Variants in L3MBTL4 observed in about 807,000 individuals in gnomAD.
L3MBTL4 encodes the protein L3MBTL histone methyl-lysine binding protein 4.
Under a neutral mutation model 84.5 loss-of-function variants are expected in L3MBTL4, and 70 were observed. That is an observed-to-expected ratio of 0.83 (90% CI 0.68 to 1.01). The LOEUF is 1.01. L3MBTL4 is among the 50% of genes least tolerant of loss of function. L3MBTL4 has a pLI of 0.00. For missense variants in L3MBTL4, 715 were observed against 754.8 expected (o/e 0.95, Z 0.62); for synonymous variants, 274 against 259.8 (o/e 1.05, Z -0.52).
rs2050357812 is a variant in L3MBTL4, at chr18:6,301,941, T to C, written c.89A>G (p.Glu30Gly). The change falls in exon 4 of 19, where the codon GAA becomes GGA. Residue 30 changes from glutamate (E) to glycine (G), a missense_variant. Physicochemically the swap from Glu to Gly is moderately conservative, Grantham distance 98. Transcript: ENST00000317931. Reference protein sequence around the residue: ...QDGRLEQAEEEKKPKDSTTPL... With the variant: ...QDGRLEQAEEGKKPKDSTTPL... ...GGTTGTGCTATCCTTGGGCTTCTTT[T>C]CCTCTTCAGCTTGCTCCTAGAATAC... 6.2e-7 allele frequency: 1 copy of C among 1,613,108 alleles called. No individual in the cohort carries two copies. The highest frequency in any genetic ancestry group is 8.5e-7 in the Non-Finnish European group (1 of 1,179,014).
intron 16 of L3MBTL4, among the ~76,000 whole-genome samples, chr18:6,014,475 G>A (rs1005205000): frequency 1.4e-4 from 21 of 152,196 alleles, no homozygotes; most frequent in African/African-American, 4.8e-4. Context: ...AAAGCAAAGC[G>A]TGCCCCATCC....
At chr18:6,357,724 C>T (rs889397141) in intron 1 of L3MBTL4, among the ~76,000 whole-genome samples, 2 of 152,208 alleles carry the variant, frequency 1.3e-5, no homozygotes, top group African/African-American at 2.4e-5. Context: ...TATGCATATA[C>T]GACAGAGAAT....
intron 10 of L3MBTL4, among the ~76,000 whole-genome samples, chr18:6,225,773 A>C (rs1568343330): frequency 6.6e-6 from 1 of 151,914 alleles, no homozygotes; most frequent in Non-Finnish European, 1.5e-5. Flanking sequence ...GGAACATAGG[A>C]ACTACAGTAG....
intron 12 of L3MBTL4, among the ~76,000 whole-genome samples, chr18:6,177,937 A>G (rs2044296480): frequency 6.6e-6 from 1 of 152,070 alleles, no homozygotes; most frequent in Non-Finnish European, 1.5e-5. Flanking sequence ...CTGGGGTGCA[A>G]TTTTTTTATG....
rs895060989 is a variant in L3MBTL4 at position 6,257,714 on chromosome 18, T to G, written c.219+6233A>C. On this transcript the variant is annotated intron_variant, in intron 5 of 18. Coordinates refer to ENST00000317931, the MANE Select transcript of L3MBTL4 (RefSeq NM_001330559.2). ...CAGGCTGGAGTGCAATGGCGCAATC[T>G]TGGCTCACCGCAACCTCCGCTTCCC... Among the ~76,000 whole-genome samples the G allele has an allele frequency of 3.3e-5, 5 of 151,482 alleles. No individual in the cohort carries two copies. The South Asian group carries it at 8.4e-4, about 25-fold the overall frequency.
chr18:6,134,981 G>T (rs111445939), intron 14 of L3MBTL4, among the ~76,000 whole-genome samples: 1 of 152,298 alleles, frequency 6.6e-6, no homozygotes, highest in African/African-American at 2.4e-5. Flanking sequence ...CCCTGCCCCT[G>T]CAGCAAACTT....
In L3MBTL4 at chr18:6,055,747, G is replaced by A. The variant is rs2056998529; in HGVS notation, c.1444+25134C>T. The stretch of plus-strand genomic sequence containing the variant: ...CAAAGCATCATCTCACAGTGGTCCG[G>A]GGGAGGGGTGCCCAGTGCCAGAGAA... On this transcript the variant is annotated intron_variant, in intron 16 of 18. Transcript: ENST00000317931. 2.6e-5 allele frequency among the ~76,000 whole-genome samples: 4 copies of A among 152,108 alleles called. No individual in the cohort carries two copies. The South Asian group carries it at 8.3e-4, about 32-fold the overall frequency.
intron 4 of L3MBTL4, among the ~76,000 whole-genome samples, chr18:6,270,090 C>A (rs1008385208): frequency 6.6e-6 from 1 of 152,174 alleles, no homozygotes; most frequent in Non-Finnish European, 1.5e-5. Context: ...TGAGAAACAA[C>A]TGTCAGTGGC....
chr18:6,034,278 C>T (rs2055993982), intron 16 of L3MBTL4, among the ~76,000 whole-genome samples: 2 of 152,104 alleles, frequency 1.3e-5, no homozygotes, highest in Admixed American at 1.3e-4. Flanking sequence ...GGTATATCTC[C>T]CAATGTTATC....
intron 16 of L3MBTL4, among the ~76,000 whole-genome samples, chr18:6,073,487 G>A (rs550555635): frequency 3.9e-5 from 6 of 152,018 alleles, no homozygotes; most frequent in African/African-American, 1.2e-4. Context: ...AGTTAAAAAA[G>A]AAATGTTGTG....
chr18:6,013,298 C>T (rs530892114), intron 16 of L3MBTL4, among the ~76,000 whole-genome samples: 8 of 152,164 alleles, frequency 5.3e-5, no homozygotes, highest in African/African-American at 1.2e-4. Context: ...GCTCCTTCTC[C>T]GTGCCAGCTC....
chr18:6,245,400 T>G (rs2047618583), intron 5 of L3MBTL4, among the ~76,000 whole-genome samples: 1 of 152,162 alleles, frequency 6.6e-6, no homozygotes, highest in Non-Finnish European at 1.5e-5. Context: ...GTACCCTGGA[T>G]AGCATCACTT....
chr18:6,072,284 C>A (rs982575019), intron 16 of L3MBTL4, among the ~76,000 whole-genome samples: 1 of 151,884 alleles, frequency 6.6e-6, no homozygotes, highest in Non-Finnish European at 1.5e-5. Context: ...AAAGATCTAA[C>A]GGTATGATTA....
At chr18:6,315,990 A>G (rs1257861114) in intron 1 of L3MBTL4, among the ~76,000 whole-genome samples, 1 of 152,162 alleles carries the variant, frequency 6.6e-6, no homozygotes. Flanking sequence ...GGGTATCAAC[A>G]GAGGTTGTCT....
chr18:6,342,427 C>T (rs936957994), intron 1 of L3MBTL4, among the ~76,000 whole-genome samples: 1 of 151,984 alleles, frequency 6.6e-6, no homozygotes. Context: ...AATTGTGACA[C>T]CAAAAACATA....
At chr18:6,193,513 G>A (rs891725908) in intron 12 of L3MBTL4, among the ~76,000 whole-genome samples, 1 of 152,256 alleles carries the variant, frequency 6.6e-6, no homozygotes, top group East Asian at 1.9e-4. Flanking sequence ...GAAACAGGCA[G>A]AGCAGAAAGT....
intron 13 of L3MBTL4, among the ~76,000 whole-genome samples, chr18:6,151,542 G>A (rs61429020): frequency 0.034 from 5,182 of 151,972 alleles, 313 homozygotes; most frequent in African/African-American, 0.12. Flanking sequence ...ACAGGCACGC[G>A]CCACCAGGCA....
intron 14 of L3MBTL4, among the ~76,000 whole-genome samples, chr18:6,102,014 C>CAAAA (rs2058849475): frequency 6.6e-6 from 1 of 152,202 alleles, no homozygotes; most frequent in African/African-American, 2.4e-5. Flanking sequence ...TCAAAATAAT[C>CAAAA]ACTGCCCTCC....
chr18:6,187,597 T>C (rs2044838285), intron 12 of L3MBTL4, among the ~76,000 whole-genome samples: 1 of 152,180 alleles, frequency 6.6e-6, no homozygotes, highest in Non-Finnish European at 1.5e-5. Flanking sequence ...CTGAAACAGG[T>C]AATTTATCCA....
Sources: gnomAD v4.1 joint callset for allele counts (sites outside exome capture counted in the v4.1 genomes callset) on GRCh38, gnomAD v4.1.1 for gene constraint, MANE v1.5 for transcripts, NCBI Gene and HGNC (gene_info 2026-07-23, HGNC 2026-07-21) for gene names.